METTL24: variants seen among roughly 807,000 people sequenced by gnomAD.
METTL24 encodes the protein methyltransferase like 24, also known as probable methyltransferase-like protein 24.
A neutral mutation model predicts 32.7 loss-of-function variants in METTL24; 29 were observed. The ratio of observed to expected loss-of-function variants is 0.89; its 90% CI spans 0.66 to 1.21. The LOEUF is 1.21. METTL24 is among the 50% of genes most tolerant of loss of function. The probability of loss-of-function intolerance (pLI) is 0.00; values close to 1 mark genes in which losing one functional copy is unlikely to be tolerated. For synonymous variants in METTL24, 163 were observed against 179.5 expected (o/e 0.91, Z 0.73); for missense variants, 439 against 468.1 (o/e 0.94, Z 0.57).
At chr6:110,253,853 T>C in intron 4 of METTL24, 1 of 1,406,848 alleles carries the variant, frequency 7.1e-7, no homozygotes, top group Non-Finnish European at 9.3e-7. Flanking sequence ...TCCATGTCAA[T>C]AAATTTTCCT....
chr6:110,320,581 T>C lies in METTL24; in HGVS notation c.417+2193A>G, dbSNP rs1194855838. On this transcript the variant is annotated intron_variant, in intron 2 of 4. Coordinates refer to ENST00000338882, the MANE Select transcript of METTL24 (RefSeq NM_001123364.3). ...GAGGTCCGGAATTTTACGTCATTCT[T>C]TCTGGAGGACAAAAATCCTTCTAGT... Among the ~76,000 whole-genome samples, 7 of 152,202 alleles carry C rather than the reference T, an allele frequency of 4.6e-5. No homozygotes were observed. In the East Asian group the frequency reaches 1.3e-3, roughly 29 times the overall value.
At chr6:110,247,474 G>T (rs757386948) in intron 4 of METTL24, among the ~76,000 whole-genome samples, 9 of 152,208 alleles carry the variant, frequency 5.9e-5, no homozygotes, top group Non-Finnish European at 1.2e-4. Context: ...TCTGGAGAGC[G>T]AATATGGGTC....
intron 1 of METTL24, among the ~76,000 whole-genome samples, chr6:110,325,196 A>C (rs1254879188): frequency 2.0e-5 from 3 of 152,220 alleles, no homozygotes; most frequent in Non-Finnish European, 4.4e-5. Context: ...GGCCCCGAGC[A>C]TCTGGCCCAG....
chr6:110,325,783 T>A (rs550737872), intron 1 of METTL24, among the ~76,000 whole-genome samples: 18 of 151,834 alleles, frequency 1.2e-4, no homozygotes, highest in African/African-American at 4.3e-4. Flanking sequence ...GCAAAAGTTC[T>A]GCTAGCTGGC....
chr6:110,327,054 G>A (rs764604315), intron 1 of METTL24, among the ~76,000 whole-genome samples: 4 of 152,224 alleles, frequency 2.6e-5, no homozygotes, highest in African/African-American at 4.8e-5. Flanking sequence ...GGCCACAGCT[G>A]TGTAAACCAA....
At chr6:110,302,716 TAATTA>T (rs1771556039) in intron 3 of METTL24, among the ~76,000 whole-genome samples, 1 of 151,492 alleles carries the variant, frequency 6.6e-6, no homozygotes. Context: ...TCAAAAAAGG[TAATTA>T]AATTAGCCAC....
chr6:110,245,211 G>A lies in METTL24; in HGVS notation c.*735C>T, dbSNP rs115823578. Among the ~76,000 whole-genome samples, 669 of 152,270 alleles carry A rather than the reference G, an allele frequency of 4.4e-3. 2 individuals are homozygous for A. Among genetic ancestry groups the A allele is most frequent in the African/African-American group, 0.015 (640 of 41,546 alleles). On this transcript the variant is annotated 3_prime_UTR_variant, in exon 5 of 5. Transcript: ENST00000338882. ...GTGGACCTCATTCAACCAGTTGAAGGCCTGAATAGAACCTAAGGCAGTAAG... is the reference window on the plus strand; with the variant it reads ...GTGGACCTCATTCAACCAGTTGAAGACCTGAATAGAACCTAAGGCAGTAAG...
chr6:110,249,304 T>C (rs1001464463), intron 4 of METTL24, among the ~76,000 whole-genome samples: 2 of 152,040 alleles, frequency 1.3e-5, no homozygotes, highest in East Asian at 3.8e-4. Flanking sequence ...ATTTATAAAA[T>C]GCTAATCTAT....
chr6:110,279,757 C>T (rs955560726), intron 4 of METTL24, among the ~76,000 whole-genome samples: 3 of 152,138 alleles, frequency 2.0e-5, no homozygotes, highest in Non-Finnish European at 4.4e-5. Context: ...CCCAAATTGC[C>T]TTGACCCAAA....
intron 4 of METTL24, among the ~76,000 whole-genome samples, chr6:110,268,954 G>C (rs1201048761): frequency 6.6e-6 from 1 of 151,956 alleles, no homozygotes; most frequent in Admixed American, 6.6e-5. Context: ...TCAGGATTAG[G>C]TCTAATTGTA....
At chr6:110,263,840 T>C (rs1349028366) in intron 4 of METTL24, among the ~76,000 whole-genome samples, 1 of 152,184 alleles carries the variant, frequency 6.6e-6, no homozygotes, top group African/African-American at 2.4e-5. Context: ...ATCTGATCTT[T>C]GACAAATCTG....
intron 4 of METTL24, among the ~76,000 whole-genome samples, chr6:110,272,742 T>A (rs1770979687): frequency 6.6e-6 from 1 of 152,240 alleles, no homozygotes; most frequent in Non-Finnish European, 1.5e-5. Context: ...TTTTTTCATA[T>A]ATTTGTTGGC....
chr6:110,355,583 C>T (rs375364717), intron 1 of METTL24, among the ~76,000 whole-genome samples: 18 of 152,174 alleles, frequency 1.2e-4, no homozygotes, highest in African/African-American at 3.9e-4. Context: ...AGTTTTACTG[C>T]CATTTGTACT....
chr6:110,244,202 T>C lies in METTL24; in HGVS notation c.*1744A>G, dbSNP rs1778103772. Among the ~76,000 whole-genome samples, 1 of 152,160 alleles carries C rather than the reference T, an allele frequency of 6.6e-6. No homozygotes were observed. Among genetic ancestry groups the C allele is most frequent in the Non-Finnish European group, 1.5e-5 (1 of 68,032 alleles). On this transcript the variant is annotated 3_prime_UTR_variant, in exon 5 of 5. Transcript: ENST00000338882. ...ACTTAACATTATTAGAGATAATGTA[T>C]TTTTTTAAAAAAGATTTGACAGCAT...
intron 2 of METTL24, 29 bp downstream of exon 2, chr6:110,322,745 C>G: frequency 6.4e-7 from 1 of 1,574,796 alleles, no homozygotes; most frequent in South Asian, 1.1e-5. Flanking sequence ...TCACATTCTT[C>G]TCTAACTTCT....
chr6:110,273,170 T>G (rs1770987433), intron 4 of METTL24, among the ~76,000 whole-genome samples: 1 of 152,136 alleles, frequency 6.6e-6, no homozygotes, highest in South Asian at 2.1e-4. Context: ...TCCAGTTTCA[T>G]TCTTCCACAT....
At chr6:110,293,265 C>A (rs1771352752) in intron 4 of METTL24, among the ~76,000 whole-genome samples, 1 of 152,000 alleles carries the variant, frequency 6.6e-6, no homozygotes, top group Non-Finnish European at 1.5e-5. Context: ...TCCTTTAAGT[C>A]TTTGAGTGGC....
chr6:110,356,171 C>A lies in METTL24; in HGVS notation c.318+1784G>T, dbSNP rs1211911574. ...GAAACATCACAGTGTTGGCCAGGCGCAGTGGCTCACGCCTGTAATTCCAGC... is the reference window on the plus strand; with the variant it reads ...GAAACATCACAGTGTTGGCCAGGCGAAGTGGCTCACGCCTGTAATTCCAGC... On this transcript the variant is annotated intron_variant, in intron 1 of 4. Transcript: ENST00000338882. Among the ~76,000 whole-genome samples the A allele has an allele frequency of 3.9e-5, 6 of 152,178 alleles. No individual in the cohort carries two copies. The East Asian group carries it at 1.2e-3, about 29-fold the overall frequency.
At chr6:110,268,262 G>A (rs1403744656) in intron 4 of METTL24, among the ~76,000 whole-genome samples, 2 of 152,104 alleles carry the variant, frequency 1.3e-5, no homozygotes, top group African/African-American at 4.8e-5. Flanking sequence ...ACAAACCTGA[G>A]ATTCAGAGAC....
Sources: allele counts gnomAD v4.1 joint callset (sites outside exome capture counted in the v4.1 genomes callset), GRCh38; gene constraint gnomAD v4.1.1; transcripts MANE v1.5; gene names NCBI Gene and HGNC (gene_info 2026-07-23, HGNC 2026-07-21).